The following SH3RF3 variants were observed in gnomAD, a reference collection of about 807,000 sequenced individuals.
SH3RF3 encodes SH3 domain containing ring finger 3.
In SH3RF3, 29 loss-of-function variants were observed where a neutral mutation model predicts 66.3. The observed-to-expected ratio is 0.44, with a 90% CI of 0.33 to 0.60. The LOEUF (loss-of-function observed/expected upper bound fraction) is 0.60, where lower values mean the gene tolerates loss of function less well. SH3RF3 is among the 20% of genes least tolerant of loss of function. The pLI is 0.04. For missense variants in SH3RF3, 1,194 were observed against 1,190.9 expected (o/e 1.00, Z -0.04); for synonymous variants, 583 against 532.0 (o/e 1.10, Z -1.32).
chr2:109,498,799 G>A (rs1349045226), intron 9 of SH3RF3, among the ~76,000 whole-genome samples: 1 of 152,202 alleles, frequency 6.6e-6, no homozygotes, highest in Non-Finnish European at 1.5e-5. Context: ...TGGGTAAACA[G>A]GTGAATGGCT....
At chr2:109,493,553 C>CATAT (rs1679184702) in intron 9 of SH3RF3, among the ~76,000 whole-genome samples, 1 of 148,770 alleles carries the variant, frequency 6.7e-6, no homozygotes, top group Non-Finnish European at 1.5e-5. Context: ...ACACCATACA[C>CATAT]ATACATACCA....
intron 5 of SH3RF3, among the ~76,000 whole-genome samples, chr2:109,422,999 C>A (rs886401824): frequency 6.6e-6 from 1 of 152,126 alleles, no homozygotes; most frequent in Non-Finnish European, 1.5e-5. Context: ...CTGAGAGCAA[C>A]GGAACTCTTG....
chr2:109,501,606 A>G lies in SH3RF3; in HGVS notation c.2584A>G (p.Lys862Glu), dbSNP rs1041001202. ...VHKKREDGWY[K>E]GTLQRNGRTG... ...CAAGAAGCGTGAGGACGGCTGGTAC[A>G]AGGGGACCCTGCAGCGGAACGGCCG... The change falls in exon 10 of 10, where the codon AAG (lysine) becomes GAG (glutamate). Residue 862 changes from lysine (K) to glutamate (E), a missense_variant. Physicochemically the swap from Lys to Glu is moderately conservative, Grantham distance 56 (BLOSUM62 1). Transcript: ENST00000309415. 1 of 779,460 alleles carries G rather than the reference A, an allele frequency of 1.3e-6. No homozygotes were observed. The highest frequency in any genetic ancestry group is 2.4e-5 in the East Asian group (1 of 41,186). 48.3% of individuals were successfully genotyped at this position (779,460 alleles called of 1,614,324 possible).
intron 9 of SH3RF3, among the ~76,000 whole-genome samples, chr2:109,498,224 C>T (rs906200364): frequency 6.6e-6 from 1 of 152,184 alleles, no homozygotes; most frequent in Non-Finnish European, 1.5e-5. Context: ...ACCAGTCCAA[C>T]CATCGTGCAC....
intron 1 of SH3RF3, among the ~76,000 whole-genome samples, chr2:109,249,060 G>T (rs982459926): frequency 6.6e-6 from 1 of 151,948 alleles, no homozygotes; most frequent in African/African-American, 2.4e-5. Context: ...TTGTAATTTT[G>T]TGTAGAGACC....
At chr2:109,369,412 C>T (rs1055881688) in intron 2 of SH3RF3, among the ~76,000 whole-genome samples, 1 of 152,222 alleles carries the variant, frequency 6.6e-6, no homozygotes, top group African/African-American at 2.4e-5. Flanking sequence ...TGGAGGGACG[C>T]TCTGCTAAAT....
chr2:109,297,251 ATCG>A (rs373351993), intron 1 of SH3RF3, among the ~76,000 whole-genome samples: 92 of 152,222 alleles, frequency 6.0e-4, no homozygotes, highest in African/African-American at 2.2e-3. Context: ...CATCATCATC[ATCG>A]TCATCACTGT....
At chr2:109,494,933 A>G (rs1679221276) in intron 9 of SH3RF3, among the ~76,000 whole-genome samples, 1 of 152,082 alleles carries the variant, frequency 6.6e-6, no homozygotes, top group Non-Finnish European at 1.5e-5. Context: ...CCTCTGAGAA[A>G]GGACTAGGGG....
rs1011943406 is a variant in SH3RF3, at chr2:109,502,554, G to C, written c.*883G>C. 1 of 152,166 alleles carries C rather than the reference G, an allele frequency of 6.6e-6. No individual in the cohort carries two copies. The highest frequency in any genetic ancestry group is 6.5e-5 in the Admixed American group (1 of 15,278). The allele number at this position is 152,166 out of a possible 1,614,324, so 9.4% of individuals were successfully genotyped here. On this transcript the variant is annotated 3_prime_UTR_variant, in exon 10 of 10. Transcript: ENST00000309415. ...CCATCCCGCACCTCAGCGCTGGCCA[G>C]TACTCTGGGGGCTGGCGGGGTGGAT...
chr2:109,220,134 C>T (rs1041509828), intron 1 of SH3RF3, among the ~76,000 whole-genome samples: 1 of 152,162 alleles, frequency 6.6e-6, no homozygotes, highest in African/African-American at 2.4e-5. Flanking sequence ...ATGTATGGTC[C>T]ATTGGTTTTT....
At chr2:109,339,322 G>A (rs577952735) in intron 1 of SH3RF3, among the ~76,000 whole-genome samples, 45 of 152,292 alleles carry the variant, frequency 3.0e-4, no homozygotes, top group African/African-American at 1.1e-3. Flanking sequence ...CATGAAAAAT[G>A]TATATATAGT....
At chr2:109,487,467 T>C (rs1573292290) in intron 8 of SH3RF3, among the ~76,000 whole-genome samples, 1 of 152,268 alleles carries the variant, frequency 6.6e-6, no homozygotes, top group African/African-American at 2.4e-5. Context: ...AATTCTGTCC[T>C]GGAAGGCGGA....
At chr2:109,429,507 C>A (rs1677130751) in intron 5 of SH3RF3, among the ~76,000 whole-genome samples, 1 of 152,176 alleles carries the variant, frequency 6.6e-6, no homozygotes, top group African/African-American at 2.4e-5. Flanking sequence ...CACGTCAGGG[C>A]AGCATCTCCC....
chr2:109,291,958 A>G (rs1259253904), intron 1 of SH3RF3, among the ~76,000 whole-genome samples: 7 of 152,170 alleles, frequency 4.6e-5, no homozygotes, highest in Non-Finnish European at 1.5e-5. Flanking sequence ...CTGCCTCTCA[A>G]GTTCACGCCA....
intron 5 of SH3RF3, among the ~76,000 whole-genome samples, chr2:109,420,119 A>T (rs1031573373): frequency 6.6e-6 from 1 of 152,262 alleles, no homozygotes; most frequent in Non-Finnish European, 1.5e-5. Flanking sequence ...ATCCCCAAAT[A>T]TAACCAGATG....
intron 1 of SH3RF3, among the ~76,000 whole-genome samples, chr2:109,194,779 G>A (rs1558950938): frequency 6.6e-6 from 1 of 152,238 alleles, no homozygotes; most frequent in South Asian, 2.1e-4. Flanking sequence ...TGCCCAGAAT[G>A]TGGTTGTCAG....
At chr2:109,164,047 A>G (rs988556850) in intron 1 of SH3RF3, among the ~76,000 whole-genome samples, 4 of 152,096 alleles carry the variant, frequency 2.6e-5, no homozygotes, top group African/African-American at 9.7e-5. Context: ...TTTTGTATTT[A>G]TAAATTTGCT....
At chr2:109,130,803 GC>G in intron 1 of SH3RF3, among the ~76,000 whole-genome samples, 3 of 152,132 alleles carry the variant, frequency 2.0e-5, no homozygotes, top group African/African-American at 7.2e-5. Context: ...GCATTTTAGG[GC>G]CTTCGCTGCT....
chr2:109,203,264 C>T (rs1678727861), intron 1 of SH3RF3, among the ~76,000 whole-genome samples: 1 of 152,210 alleles, frequency 6.6e-6, no homozygotes, highest in Non-Finnish European at 1.5e-5. Context: ...ATGAGGCAGG[C>T]TGTGTGGCTG....
Sources: gnomAD v4.1 joint callset for allele counts (sites outside exome capture counted in the v4.1 genomes callset) on GRCh38, gnomAD v4.1.1 for gene constraint, MANE v1.5 for transcripts, NCBI Gene and HGNC (gene_info 2026-07-23, HGNC 2026-07-21) for gene names.